Variants in TBC1D12 observed in about 807,000 individuals in gnomAD.
The protein encoded by TBC1D12 is TBC1 domain family, member 12.
Under a neutral mutation model 86.7 loss-of-function variants are expected in TBC1D12, and 56 were observed. The observed-to-expected ratio is 0.65, with a 90% CI of 0.52 to 0.81. The LOEUF is 0.81. Among genes scored for constraint, TBC1D12 ranks in the 30% least tolerant of loss-of-function variants. TBC1D12 has a pLI of 0.00. For missense variants in TBC1D12, 1,023 were observed against 1,038.8 expected (o/e 0.98, Z 0.21); for synonymous variants, 421 against 411.7 (o/e 1.02, Z -0.27).
At chr10:94,515,000 C>T (rs1389258381) in intron 9 of TBC1D12, among the ~76,000 whole-genome samples, 5 of 147,356 alleles carry the variant, frequency 3.4e-5, no homozygotes, top group African/African-American at 7.5e-5. Context: ...CTCCGCCTCC[C>T]GGGTTCACGC....
At chr10:94,447,908 A>G (rs2134099802) in intron 2 of TBC1D12, among the ~76,000 whole-genome samples, 1 of 150,532 alleles carries the variant, frequency 6.6e-6, no homozygotes. Context: ...ATGCATATTT[A>G]TGTCAAACTG....
intron 9 of TBC1D12, among the ~76,000 whole-genome samples, chr10:94,514,681 T>C (rs985539444): frequency 3.9e-5 from 6 of 152,234 alleles, no homozygotes; most frequent in African/African-American, 2.4e-5. Context: ...TGGACACTTA[T>C]GTTGATTCCT....
At chr10:94,493,217 A>G (rs1220384139) in intron 3 of TBC1D12, 148 bp from the exon 4 acceptor site, 4 of 658,944 alleles carry the variant, frequency 6.1e-6, no homozygotes, top group Non-Finnish European at 8.1e-6. Context: ...TCTAAAATGC[A>G]CAGTTCTTTT....
At chr10:94,465,288 T>G (rs546070485) in intron 2 of TBC1D12, among the ~76,000 whole-genome samples, 2 of 150,780 alleles carry the variant, frequency 1.3e-5, no homozygotes, top group East Asian at 4.1e-4. Flanking sequence ...TTATAAAATA[T>G]CAAAAAACGA....
chr10:94,464,048 T>C (rs2055770289), intron 2 of TBC1D12, among the ~76,000 whole-genome samples: 1 of 152,190 alleles, frequency 6.6e-6, no homozygotes, highest in South Asian at 2.1e-4. Flanking sequence ...ATGAAGTTTT[T>C]ATCTGACTTT....
chr10:94,448,595 G>A (rs1187125347), intron 2 of TBC1D12, among the ~76,000 whole-genome samples: 1 of 152,098 alleles, frequency 6.6e-6, no homozygotes, highest in African/African-American at 2.4e-5. Flanking sequence ...TCCCACCTTA[G>A]CCTCCCTGGT....
At chr10:94,459,686 G>A (rs958823327) in intron 2 of TBC1D12, among the ~76,000 whole-genome samples, 2 of 152,188 alleles carry the variant, frequency 1.3e-5, no homozygotes, top group Non-Finnish European at 1.5e-5. Context: ...AGTGCGGCAC[G>A]GGCAGGCTGG....
chr10:94,422,750 T>G (rs2055092984), intron 1 of TBC1D12, among the ~76,000 whole-genome samples: 1 of 152,018 alleles, frequency 6.6e-6, no homozygotes, highest in South Asian at 2.1e-4. Flanking sequence ...TTGCTGTTTT[T>G]TTTAGAGATG....
chr10:94,427,204 C>T (rs1267806712), intron 1 of TBC1D12, among the ~76,000 whole-genome samples: 2 of 152,176 alleles, frequency 1.3e-5, no homozygotes, highest in African/African-American at 4.8e-5. Flanking sequence ...GTCATCTTGC[C>T]TGTCTTTCCC....
intron 3 of TBC1D12, among the ~76,000 whole-genome samples, chr10:94,488,609 C>G (rs1442763642): frequency 2.1e-5 from 3 of 142,624 alleles, no homozygotes; most frequent in African/African-American, 7.4e-5. Flanking sequence ...CCAGGCTGGT[C>G]TTGAACTCCT....
In TBC1D12 at chr10:94,402,977, G is replaced by T; in HGVS notation, c.364G>T (p.Val122Leu). ...GSGSKHRGAE[V>L]ADGRAPRHEG... ...GGGCTCCAAACACCGCGGCGCGGAG[G>T]TGGCTGATGGCCGCGCGCCGCGGCA... Residue 122 changes from valine (V) to leucine (L), a missense_variant, in exon 1 of 13, where the codon GTG becomes TTG. Physicochemically the swap from Val to Leu is conservative, Grantham distance 32. Transcript: ENST00000225235. The T allele has an allele frequency of 2.5e-6, 4 of 1,576,180 alleles. No homozygotes were observed. The South Asian group carries it at 3.5e-5, about 14-fold the overall frequency.
intron 1 of TBC1D12, among the ~76,000 whole-genome samples, chr10:94,405,427 T>G (rs979232671): frequency 5.9e-5 from 9 of 152,238 alleles, no homozygotes; most frequent in African/African-American, 1.9e-4. Flanking sequence ...ATCCTAATTT[T>G]TTGTTACTCA....
intron 1 of TBC1D12, among the ~76,000 whole-genome samples, chr10:94,415,916 A>C (rs1419105635): frequency 1.8e-4 from 27 of 152,236 alleles, no homozygotes; most frequent in Admixed American, 1.8e-3. Context: ...CTGGGTGTAC[A>C]AATAACACAG....
Position 94,403,289 on chromosome 10 carries a change from A to G in TBC1D12, c.676A>G (p.Ser226Gly), listed in dbSNP as rs1430646649. Reference sequence around the variant, plus strand: ...CGACTCGGGGGACAGCCCCGCCAGCAGCTGCAGCAGTAGCGAGGACTCAGA... The same window carrying G: ...CGACTCGGGGGACAGCCCCGCCAGCGGCTGCAGCAGTAGCGAGGACTCAGA... ...GSDSGDSPAS[S>G]CSSSEDSEQR... Residue 226 changes from serine (S) to glycine (G), a missense_variant, in exon 1 of 13, where the codon AGC becomes GGC. Ser to Gly is a moderately conservative substitution (Grantham distance 56, BLOSUM62 0). Transcript: ENST00000225235. 6.7e-7 allele frequency: 1 copy of G among 1,498,698 alleles called. No individual in the cohort carries two copies. The highest frequency in any genetic ancestry group is 8.9e-7 in the Non-Finnish European group (1 of 1,125,730). The allele number at this position is 1,498,698 out of a possible 1,614,324, so 92.8% of individuals were successfully genotyped here.
rs1276333879 is a variant in TBC1D12, at chr10:94,403,531, G to A, written c.918G>A (p.Ala306=). ...TGCCCGCCGCGGAGCAGGGTCCTGC[G>A]GGGGCTTCGGCCCGGGCTCGACGGA... ...VPLPAAEQGP[A]GASARARRSG... is the part of the protein sequence containing the mutation. The change falls in exon 1 of 13, where the codon GCG becomes GCA. Residue 306 remains alanine, a synonymous_variant. Coordinates refer to ENST00000225235, the MANE Select transcript of TBC1D12 (RefSeq NM_015188.2). 7.8e-6 allele frequency: 12 copies of A among 1,534,118 alleles called. No individual in the cohort carries two copies. Among genetic ancestry groups the A allele is most frequent in the Non-Finnish European group, 1.0e-5 (12 of 1,149,134 alleles).
intron 9 of TBC1D12, among the ~76,000 whole-genome samples, chr10:94,512,483 A>G (rs1028028060): frequency 1.3e-5 from 2 of 152,190 alleles, no homozygotes; most frequent in Non-Finnish European, 2.9e-5. Context: ...GTTCATTTCT[A>G]TGTTTGTTTA....
intron 4 of TBC1D12, among the ~76,000 whole-genome samples, chr10:94,493,963 C>G (rs2056281444): frequency 6.6e-6 from 1 of 151,682 alleles, no homozygotes; most frequent in Non-Finnish European, 1.5e-5. Context: ...ATGAATTTCA[C>G]TTTTTACCAT....
In TBC1D12 at chr10:94,402,669, C is replaced by G. The variant is rs575668165; in HGVS notation, c.56C>G (p.Pro19Arg). ...TCGGGAAGAAACCCCAAGTTGCTCC[C>G]GGTGCCTGCGCCGGACCCCGTGGGC... ...ACSGRNPKLL[P>R]VPAPDPVGQD... The change falls in exon 1 of 13, where the codon CCG becomes CGG. Residue 19 changes from proline to arginine, a missense_variant. Physicochemically the swap from Pro to Arg is moderately radical, Grantham distance 103. Coordinates refer to ENST00000225235, the MANE Select transcript of TBC1D12 (RefSeq NM_015188.2). 2 of 1,609,352 alleles carry G rather than the reference C, an allele frequency of 1.2e-6. No homozygotes were observed. Among genetic ancestry groups the G allele is most frequent in the East Asian group, 2.2e-5 (1 of 44,730 alleles).
chr10:94,422,319 A>G (rs1026377104), intron 1 of TBC1D12, among the ~76,000 whole-genome samples: 8 of 150,516 alleles, frequency 5.3e-5, no homozygotes, highest in African/African-American at 2.0e-4. Flanking sequence ...CCTCCCAAGT[A>G]GCTGAGACTA....
Sources: allele counts gnomAD v4.1 joint callset (sites outside exome capture counted in the v4.1 genomes callset), GRCh38; gene constraint gnomAD v4.1.1; transcripts MANE v1.5; gene names NCBI Gene and HGNC (gene_info 2026-07-23, HGNC 2026-07-21).